ZRANB3: variants seen among roughly 807,000 people sequenced by gnomAD.
ZRANB3 encodes the protein zinc finger RANBP2-type containing 3.
In ZRANB3, 125 loss-of-function variants were observed where a neutral mutation model predicts 133.8. That is an observed-to-expected ratio of 0.93 (90% CI 0.81 to 1.08). The LOEUF (loss-of-function observed/expected upper bound fraction) is 1.08. ZRANB3 is among the 50% of genes least tolerant of loss of function. The probability of loss-of-function intolerance (pLI) is 0.00; values close to 1 mark genes in which losing one functional copy is unlikely to be tolerated. For missense variants in ZRANB3, 1,229 were observed against 1,275.5 expected (o/e 0.96, Z 0.56); for synonymous variants, 387 against 432.7 (o/e 0.89, Z 1.31).
intron 6 of ZRANB3, among the ~76,000 whole-genome samples, chr2:135,322,688 A>T (rs1683588216): frequency 6.6e-6 from 1 of 152,064 alleles, no homozygotes. Context: ...ACTGCACTTC[A>T]GCTTGGGTGA....
chr2:135,374,273 G>A (rs1227831058), intron 3 of ZRANB3, among the ~76,000 whole-genome samples: 1 of 152,020 alleles, frequency 6.6e-6, no homozygotes, highest in Non-Finnish European at 1.5e-5. Context: ...GGGTGTGGTG[G>A]CCAGTTCCTG....
At position 135,432,046 on chromosome 2, in the gene ZRANB3, T is replaced by A. The variant is rs151104759; in HGVS notation, c.162-41226A>T. Among the ~76,000 whole-genome samples, 453 of 151,930 alleles carry A rather than the reference T, an allele frequency of 3.0e-3. 2 individuals are homozygous for A. Among genetic ancestry groups the A allele is most frequent in the African/African-American group, 0.01 (429 of 41,430 alleles). The stretch of plus-strand genomic sequence containing the variant: ...CGGGTGGATCACCTGAGGCTGGGAG[T>A]TCGAGACCAACCTGACCAACATGGA... On this transcript the variant is annotated intron_variant, in intron 2 of 20. Transcript: ENST00000264159.
chr2:135,283,406 C>T (rs1238720947), intron 8 of ZRANB3, among the ~76,000 whole-genome samples: 3 of 151,926 alleles, frequency 2.0e-5, no homozygotes, highest in Non-Finnish European at 4.4e-5. Flanking sequence ...GTCAGGAGAT[C>T]GAGACCATCC....
chr2:135,313,660 T>C, intron 7 of ZRANB3, 55 bp from the exon 8 acceptor site: 1 of 1,134,148 alleles, frequency 8.8e-7, no homozygotes, highest in Non-Finnish European at 1.3e-6. Context: ...ACAGAACAAA[T>C]TAATGCAATC....
chr2:135,324,243 C>G (rs1384341310), intron 6 of ZRANB3, among the ~76,000 whole-genome samples: 1 of 148,390 alleles, frequency 6.7e-6, no homozygotes, highest in South Asian at 2.2e-4. Context: ...CCCCTCACCC[C>G]ACAACAGGCC....
At chr2:135,242,689 A>G (rs113171903) in intron 12 of ZRANB3, among the ~76,000 whole-genome samples, 1 of 152,084 alleles carries the variant, frequency 6.6e-6, no homozygotes, top group African/African-American at 2.4e-5. Flanking sequence ...TAGATCTCCT[A>G]TTAGGAAAAA....
chr2:135,450,989 T>G (rs560985592), intron 2 of ZRANB3, among the ~76,000 whole-genome samples: 1 of 152,234 alleles, frequency 6.6e-6, no homozygotes, highest in Non-Finnish European at 1.5e-5. Context: ...CTTGAAAGAT[T>G]TGAGGGAACA....
At chr2:135,406,905 A>G (rs1688061122) in intron 2 of ZRANB3, among the ~76,000 whole-genome samples, 3 of 152,148 alleles carry the variant, frequency 2.0e-5, no homozygotes, top group Admixed American at 1.3e-4. Flanking sequence ...CCTTCAAAAC[A>G]TGGCACAAGA....
At position 135,235,555 on chromosome 2, in the gene ZRANB3, C is replaced by T. The variant is rs1226536736; in HGVS notation, c.1540-4628G>A. ...AATCCTCAATAAAATACTGGCAAAC[C>T]GAATCCAGCAGCACATCAAAAAGCT... On this transcript the variant is annotated intron_variant, in intron 12 of 20. Transcript: ENST00000264159. 2.6e-5 allele frequency among the ~76,000 whole-genome samples: 4 copies of T among 151,888 alleles called. No individual in the cohort carries two copies. The South Asian group carries it at 8.3e-4, about 32-fold the overall frequency.
intron 9 of ZRANB3, among the ~76,000 whole-genome samples, chr2:135,273,315 C>T (rs1406196579): frequency 6.6e-6 from 1 of 151,730 alleles, no homozygotes; most frequent in Admixed American, 6.6e-5. Context: ...ATAGTTGGAA[C>T]ATATGAATAT....
chr2:135,518,511 G>C (rs982317014), intron 1 of ZRANB3, among the ~76,000 whole-genome samples: 1 of 152,166 alleles, frequency 6.6e-6, no homozygotes, highest in Non-Finnish European at 1.5e-5. Context: ...CTAAGGGAGG[G>C]AGTTCCCTGA....
At chr2:135,204,297 C>T (rs1185496552) in intron 19 of ZRANB3, among the ~76,000 whole-genome samples, 1 of 151,966 alleles carries the variant, frequency 6.6e-6, no homozygotes, top group Non-Finnish European at 1.5e-5. Context: ...CTACAAATGG[C>T]GGTCTTGTGC....
At chr2:135,485,160 A>G (rs1466662818) in intron 2 of ZRANB3, among the ~76,000 whole-genome samples, 1 of 142,966 alleles carries the variant, frequency 7.0e-6, no homozygotes, top group African/African-American at 2.9e-5. Context: ...AAACAAAACA[A>G]AACAAAACAA....
intron 2 of ZRANB3, among the ~76,000 whole-genome samples, chr2:135,393,583 A>G (rs1687344089): frequency 1.3e-5 from 2 of 152,220 alleles, no homozygotes; most frequent in East Asian, 3.8e-4. Context: ...TTAAGTAAAT[A>G]ATAAAGGGAA....
intron 2 of ZRANB3, among the ~76,000 whole-genome samples, chr2:135,415,001 A>G (rs563223681): frequency 1.3e-5 from 2 of 152,076 alleles, no homozygotes; most frequent in East Asian, 3.9e-4. Flanking sequence ...AAGAGAAAGC[A>G]GGAAAGACCC....
chr2:135,356,815 C>T (rs1224808972), intron 3 of ZRANB3, among the ~76,000 whole-genome samples: 1 of 151,998 alleles, frequency 6.6e-6, no homozygotes, highest in East Asian at 1.9e-4. Context: ...AGCAATCCTC[C>T]TAGCTCAGCC....
chr2:135,340,700 A>G (rs1361080641), intron 6 of ZRANB3, among the ~76,000 whole-genome samples: 2 of 151,996 alleles, frequency 1.3e-5, no homozygotes, highest in Non-Finnish European at 2.9e-5. Flanking sequence ...TAAAAATACA[A>G]AAATTAGCCG....
At chr2:135,341,832 C>T (rs1415925624) in intron 6 of ZRANB3, among the ~76,000 whole-genome samples, 1 of 150,016 alleles carries the variant, frequency 6.7e-6, no homozygotes, top group Non-Finnish European at 1.5e-5. Flanking sequence ...CGCCCCCAGG[C>T]TTACTAGGAT....
intron 8 of ZRANB3, among the ~76,000 whole-genome samples, chr2:135,300,148 C>G (rs934216037): frequency 6.6e-6 from 1 of 152,180 alleles, no homozygotes; most frequent in East Asian, 1.9e-4. Context: ...TTGACAAGAA[C>G]AAGATTTCAT....
Sources: gnomAD v4.1 joint callset for allele counts (sites outside exome capture counted in the v4.1 genomes callset) on GRCh38, gnomAD v4.1.1 for gene constraint, MANE v1.5 for transcripts, NCBI Gene and HGNC (gene_info 2026-07-23, HGNC 2026-07-21) for gene names.